Variants in GALNT13 observed in about 807,000 individuals in gnomAD.
The protein encoded by GALNT13 is UDP-GalNAc:polypeptide N-acetylgalactosaminyltransferase 13.
GALNT13 carries 28 observed loss-of-function variants against 64.2 expected under a neutral mutation model. The ratio of observed to expected loss-of-function variants is 0.44; its 90% CI spans 0.32 to 0.60. The LOEUF (loss-of-function observed/expected upper bound fraction) is 0.60, where lower values mean the gene tolerates loss of function less well. Ranked by LOEUF, GALNT13 falls within the 20% of genes least tolerant of loss-of-function variation. GALNT13 has a pLI of 0.05. For missense variants in GALNT13, 577 were observed against 669.8 expected, an observed-to-expected ratio of 0.86 and a Z score of 1.53; for synonymous variants, 214 against 224.6, an observed-to-expected ratio of 0.95 and a Z score of 0.42.
chr2:153,114,433 G>T, the GALNT13 span, among the ~76,000 whole-genome samples: 2 of 152,104 alleles, frequency 1.3e-5, no homozygotes, highest in African/African-American at 2.4e-5. Flanking sequence ...CTGATGAAAA[G>T]GTTGAAGAGT....
At chr2:153,218,952 C>G in the GALNT13 span, among the ~76,000 whole-genome samples, 2 of 152,114 alleles carry the variant, frequency 1.3e-5, no homozygotes, top group Non-Finnish European at 2.9e-5. Flanking sequence ...GCTTTTGTTG[C>G]TGTTTTAAGA....
At chr2:154,077,343 T>A (rs868360159) in intron 3 of GALNT13, among the ~76,000 whole-genome samples, 2 of 151,490 alleles carry the variant, frequency 1.3e-5, no homozygotes, top group Admixed American at 6.6e-5. Context: ...TTATGTCTAA[T>A]CTTTGAAATT....
At chr2:153,525,972 G>C in the GALNT13 span, among the ~76,000 whole-genome samples, 1 of 152,230 alleles carries the variant, frequency 6.6e-6, no homozygotes, top group South Asian at 2.1e-4. Context: ...TCTGCCTTTA[G>C]AAAAGGGAGG....
Position 153,871,948 on chromosome 2 carries a change from G to A in GALNT13, c.-532G>A, listed in dbSNP as rs1431179944. On this transcript the variant is annotated 5_prime_UTR_variant, in exon 1 of 13. In the 5' UTR this introduces an upstream ATG that the reference lacks. Coordinates refer to ENST00000392825, the MANE Select transcript of GALNT13 (RefSeq NM_052917.4). ...ACCAGGCGGCGGCGGCTCTGCTGAG[G>A]TGACAACGTGCTAGCAGCCCTCGCT... 6.6e-6 allele frequency: 1 copy of A among 152,384 alleles called. No homozygotes were observed. Among genetic ancestry groups the A allele is most frequent in the African/African-American group, 2.4e-5 (1 of 41,382 alleles). The allele number at this position is 152,384 out of a possible 1,614,324, so 9.4% of individuals were successfully genotyped here. A position where few individuals can be genotyped will look rare whatever the true frequency, so the allele number is the denominator to read the frequency against.
intron 11 of GALNT13, among the ~76,000 whole-genome samples, chr2:154,423,009 C>T (rs556982434): frequency 6.6e-6 from 1 of 151,784 alleles, no homozygotes; most frequent in South Asian, 2.1e-4. Context: ...GTTTGCTGCG[C>T]CCATTAATTC....
At chr2:154,036,915 AT>A (rs908038326) in intron 3 of GALNT13, among the ~76,000 whole-genome samples, 7 of 152,230 alleles carry the variant, frequency 4.6e-5, no homozygotes, top group African/African-American at 1.2e-4. Context: ...TTTAAAAAAA[AT>A]CTCCCCAAGT....
the GALNT13 span, among the ~76,000 whole-genome samples, chr2:153,147,880 C>G: frequency 6.6e-6 from 1 of 151,758 alleles, no homozygotes; most frequent in Non-Finnish European, 1.5e-5. Context: ...AGGATGATCA[C>G]AGTAACAGTA....
At chr2:153,398,344 C>A in the GALNT13 span, among the ~76,000 whole-genome samples, 1 of 152,046 alleles carries the variant, frequency 6.6e-6, no homozygotes, top group Admixed American at 6.6e-5. Flanking sequence ...TGGGTTGGTT[C>A]CAAGTCTTTG....
At chr2:154,321,374 A>G (rs1694616745) in intron 9 of GALNT13, among the ~76,000 whole-genome samples, 1 of 152,166 alleles carries the variant, frequency 6.6e-6, no homozygotes, top group Non-Finnish European at 1.5e-5. Flanking sequence ...GCTGCTTTCA[A>G]TGAATTGCAT....
chr2:154,131,756 G>A (rs1273085461), intron 3 of GALNT13, among the ~76,000 whole-genome samples: 2 of 152,178 alleles, frequency 1.3e-5, no homozygotes, highest in East Asian at 3.9e-4. Flanking sequence ...ATTGATTCAC[G>A]TGATCAGAAG....
chr2:153,130,922 T>C, the GALNT13 span, among the ~76,000 whole-genome samples: 5 of 152,282 alleles, frequency 3.3e-5, no homozygotes, highest in East Asian at 5.8e-4. Context: ...CGAGAGGAAT[T>C]GGAGCTAGCA....
chr2:154,396,394 G>C (rs1699054235), intron 10 of GALNT13, among the ~76,000 whole-genome samples: 1 of 151,886 alleles, frequency 6.6e-6, no homozygotes, highest in Non-Finnish European at 1.5e-5. Context: ...AAAATTTACT[G>C]TGTACCCCAA....
At chr2:154,314,623 A>G (rs115783516) in intron 9 of GALNT13, among the ~76,000 whole-genome samples, 1 of 152,276 alleles carries the variant, frequency 6.6e-6, no homozygotes, top group African/African-American at 2.4e-5. Flanking sequence ...GGGAGCCAGC[A>G]TGTTCAGAGA....
intron 3 of GALNT13, among the ~76,000 whole-genome samples, chr2:153,999,704 C>T (rs1324596576): frequency 2.0e-5 from 3 of 151,758 alleles, no homozygotes; most frequent in East Asian, 1.9e-4. Context: ...AATATATTGT[C>T]GATTCTGGTT....
chr2:153,837,478 C>A, the GALNT13 span, among the ~76,000 whole-genome samples: 2,004 of 152,034 alleles, frequency 0.013, 43 homozygotes, highest in African/African-American at 0.045. Context: ...TTTTTAGATT[C>A]CATGTATTTA....
the GALNT13 span, among the ~76,000 whole-genome samples, chr2:153,267,417 C>G: frequency 6.6e-6 from 1 of 152,234 alleles, no homozygotes; most frequent in Non-Finnish European, 1.5e-5. Flanking sequence ...CCTCTGAAAT[C>G]TAGGTGGAGG....
At chr2:153,949,848 C>T (rs891186273) in intron 3 of GALNT13, among the ~76,000 whole-genome samples, 3 of 151,864 alleles carry the variant, frequency 2.0e-5, no homozygotes, top group Non-Finnish European at 4.4e-5. Context: ...AGAGGCACTG[C>T]AGATCAGTGG....
the GALNT13 span, among the ~76,000 whole-genome samples, chr2:153,291,687 A>G: frequency 1.3e-5 from 2 of 150,672 alleles, no homozygotes; most frequent in African/African-American, 4.9e-5. Context: ...TGGAATAAAA[A>G]CTATGTCTGT....
chr2:153,196,715 C>T, the GALNT13 span, among the ~76,000 whole-genome samples: 1 of 152,216 alleles, frequency 6.6e-6, no homozygotes, highest in Non-Finnish European at 1.5e-5. Flanking sequence ...AACCGCACTG[C>T]TCCCCCACTG....
Sources: allele counts gnomAD v4.1 joint callset (sites outside exome capture counted in the v4.1 genomes callset), GRCh38; gene constraint gnomAD v4.1.1; transcripts MANE v1.5; gene names NCBI Gene and HGNC (gene_info 2026-07-23, HGNC 2026-07-21).